Variants in TENM3 observed in about 807,000 individuals in gnomAD.
TENM3 encodes the protein teneurin transmembrane protein 3, also known as teneurin-3.
A neutral mutation model predicts 255.1 loss-of-function variants in TENM3; 63 were observed. The observed-to-expected ratio is 0.25, with a 90% CI of 0.20 to 0.30. TENM3 has a LOEUF of 0.30. Ranked by LOEUF, TENM3 falls within the 10% of genes least tolerant of loss-of-function variation. TENM3 has a pLI of 1.00. For synonymous variants in TENM3, 1,306 were observed against 1,322.3 expected, an observed-to-expected ratio of 0.99 and a Z score of 0.27; for missense variants, 2,929 against 3,461.1, an observed-to-expected ratio of 0.85 and a Z score of 3.86.
intron 3 of TENM3, among the ~76,000 whole-genome samples, chr4:182,466,796 T>C (rs1359643149): frequency 6.6e-6 from 1 of 151,308 alleles, no homozygotes; most frequent in Non-Finnish European, 1.5e-5. Context: ...CTTTCCAACT[T>C]ACTACAGAGG....
the TENM3 span, among the ~76,000 whole-genome samples, chr4:181,858,120 A>G: frequency 6.6e-6 from 1 of 152,176 alleles, no homozygotes; most frequent in South Asian, 2.1e-4. Flanking sequence ...TTATGTTGAG[A>G]CAGGGTCCCA....
chr4:182,342,157 G>T (rs1446844707), intron 2 of TENM3, among the ~76,000 whole-genome samples: 1 of 152,134 alleles, frequency 6.6e-6, no homozygotes, highest in African/African-American at 2.4e-5. Context: ...GAGAAATGAA[G>T]ACATATGTAC....
rs369838597 is a variant in TENM3 at position 182,688,211 on chromosome 4, G to A, written c.2081G>A (p.Gly694Glu). The A allele has an allele frequency of 1.7e-5, 28 of 1,613,716 alleles. No homozygotes were observed. Among genetic ancestry groups the A allele is most frequent in the Middle Eastern group, 1.6e-4 (1 of 6,082 alleles). ...DCGSHGVCMG[G>E]TCRCEEGWTG... is the part of the protein sequence containing the mutation. Reference sequence around the variant, plus strand: ...GGCTCACACGGCGTTTGCATGGGGGGGACGTGTCGCTGTGAAGAAGGCTGG... The same window carrying A: ...GGCTCACACGGCGTTTGCATGGGGGAGACGTGTCGCTGTGAAGAAGGCTGG... Residue 694 changes from glycine (G) to glutamate (E), a missense_variant, in exon 12 of 28, where the codon GGG (glycine) becomes GAG (glutamate). Around this residue, in one of 6 missense-constraint regions of TENM3, gnomAD observed 1,608 missense variants for 1,884.4 expected, o/e 0.85. Transcript: ENST00000511685.
chr4:182,587,550 G>A (rs1746155258), intron 3 of TENM3, among the ~76,000 whole-genome samples: 2 of 152,076 alleles, frequency 1.3e-5, no homozygotes, highest in South Asian at 4.1e-4. Flanking sequence ...CTGCACTTCA[G>A]CCTGGCAACA....
chr4:181,897,846 T>C, the TENM3 span, among the ~76,000 whole-genome samples: 1 of 152,224 alleles, frequency 6.6e-6, no homozygotes, highest in Non-Finnish European at 1.5e-5. Flanking sequence ...TCATTCTTTC[T>C]TCCCCTTCTT....
chr4:181,637,369 GT>G, the TENM3 span, among the ~76,000 whole-genome samples: 1 of 152,202 alleles, frequency 6.6e-6, no homozygotes, highest in Non-Finnish European at 1.5e-5. Flanking sequence ...GGGCTGTGGA[GT>G]CCAGTGTGTT....
intron 4 of TENM3, among the ~76,000 whole-genome samples, chr4:182,605,482 AT>A (rs200212050): frequency 8.0e-5 from 7 of 87,932 alleles, no homozygotes; most frequent in Non-Finnish European, 9.6e-5. Flanking sequence ...ATCATCATTT[AT>A]TTAAAAAAAA....
At chr4:182,724,762 C>T (rs1579246013) in intron 13 of TENM3, among the ~76,000 whole-genome samples, 1 of 152,116 alleles carries the variant, frequency 6.6e-6, no homozygotes, top group East Asian at 1.9e-4. Flanking sequence ...AGCACTTAAC[C>T]CTTAACTTAC....
intron 3 of TENM3, among the ~76,000 whole-genome samples, chr4:182,591,408 G>A (rs1746637897): frequency 1.3e-5 from 2 of 152,258 alleles, no homozygotes; most frequent in Non-Finnish European, 2.9e-5. Context: ...CTTCTAGGCA[G>A]TTTAAGTCTT....
the TENM3 span, among the ~76,000 whole-genome samples, chr4:181,473,547 T>G: frequency 1.3e-5 from 2 of 151,818 alleles, no homozygotes; most frequent in African/African-American, 4.8e-5. Context: ...AGCTAATGAT[T>G]GTCCCCTACA....
rs1579566926 is a variant in TENM3, at chr4:182,800,448, C to T, written c.*97C>T. On this transcript the variant is annotated 3_prime_UTR_variant, in exon 28 of 28. Transcript: ENST00000511685. ...CTCCAACGCCCAAGAGCCTTCCTCCCGGGGGAATGAGACTGCTGTTACGAC... is the reference window on the plus strand; with the variant it reads ...CTCCAACGCCCAAGAGCCTTCCTCCTGGGGGAATGAGACTGCTGTTACGAC... 3 of 1,389,852 alleles carry T rather than the reference C, an allele frequency of 2.2e-6. No homozygotes were observed. Among genetic ancestry groups the T allele is most frequent in the East Asian group, 5.3e-5 (2 of 37,658 alleles). 86.1% of individuals were successfully genotyped at this position (1,389,852 alleles called of 1,614,324 possible). A position where few individuals can be genotyped will look rare whatever the true frequency, so the allele number is the denominator to read the frequency against.
chr4:182,242,422 T>A (rs1253980720), upstream of TENM3, among the ~76,000 whole-genome samples: 1 of 151,996 alleles, frequency 6.6e-6, no homozygotes, highest in Admixed American at 6.6e-5. Context: ...TATTCCATGG[T>A]GTATATGTGC....
chr4:181,541,817 T>C, the TENM3 span, among the ~76,000 whole-genome samples: 1 of 152,240 alleles, frequency 6.6e-6, no homozygotes, highest in African/African-American at 2.4e-5. Flanking sequence ...TTGCTGAAGA[T>C]AATTTTACTC....
intron 5 of TENM3, among the ~76,000 whole-genome samples, chr4:182,629,892 G>T (rs551001844): frequency 3.9e-5 from 6 of 152,350 alleles, no homozygotes; most frequent in Non-Finnish European, 1.5e-5. Flanking sequence ...TTTTGTGTCA[G>T]TGTTCAATGG....
chr4:181,717,086 G>T, the TENM3 span, among the ~76,000 whole-genome samples: 2 of 152,178 alleles, frequency 1.3e-5, no homozygotes, highest in African/African-American at 4.8e-5. Context: ...GTTAAGGGAT[G>T]TATGGATTTG....
rs139446988 is a variant in TENM3 at position 182,774,428 on chromosome 4, A to G, written c.5069-490A>G. ...TATAAAATATAAAATGTCTTCCTTT[A>G]TTGAAGTCAATTTCGGAGGGAACAT... On this transcript the variant is annotated intron_variant, in intron 23 of 27. Coordinates refer to ENST00000511685, the MANE Select transcript of TENM3 (RefSeq NM_001080477.4). Among the ~76,000 whole-genome samples, 649 of 152,338 alleles carry G rather than the reference A, an allele frequency of 4.3e-3. 5 individuals carry two copies. Among genetic ancestry groups the G allele is most frequent in the African/African-American group, 0.015 (606 of 41,592 alleles).
At chr4:181,805,274 C>T in the TENM3 span, among the ~76,000 whole-genome samples, 1 of 152,052 alleles carries the variant, frequency 6.6e-6, no homozygotes, top group Non-Finnish European at 1.5e-5. Flanking sequence ...CCACTCCACC[C>T]GCTCCAGTCT....
At chr4:182,161,854 T>C (rs372846632) in intron 1 of TENM3, among the ~76,000 whole-genome samples, 15,196 of 31,332 alleles carry the variant, frequency 0.48, 6,322 homozygotes, top group Non-Finnish European at 0.66. Flanking sequence ...TATACACAAA[T>C]ATATATGTGT....
At chr4:181,972,532 CCCA>C in the TENM3 span, among the ~76,000 whole-genome samples, 1 of 151,882 alleles carries the variant, frequency 6.6e-6, no homozygotes, top group African/African-American at 2.4e-5. Context: ...GTTTGTGTTC[CCCA>C]GAAAGATCCT....
Sources: allele counts gnomAD v4.1 joint callset (sites outside exome capture counted in the v4.1 genomes callset), GRCh38; gene constraint gnomAD v4.1.1; regional missense constraint gnomAD v4.1.1; transcripts MANE v1.5; gene names NCBI Gene and HGNC (gene_info 2026-07-23, HGNC 2026-07-21).